CNTN4: variants seen among roughly 807,000 people sequenced by gnomAD.
CNTN4 encodes contactin-4.
CNTN4 carries 77 observed loss-of-function variants against 122.5 expected under a neutral mutation model. The ratio of observed to expected loss-of-function variants is 0.63; its 90% CI spans 0.52 to 0.76. The LOEUF (loss-of-function observed/expected upper bound fraction) is 0.76. Ranked by LOEUF, CNTN4 falls within the 30% of genes least tolerant of loss-of-function variation. The pLI, the probability that CNTN4 is intolerant of heterozygous loss-of-function variation, is 0.00. For missense variants in CNTN4, 1,256 were observed against 1,259.1 expected (o/e 1.00, Z 0.04); for synonymous variants, 512 against 447.0 (o/e 1.15, Z -1.83).
intron 4 of CNTN4, among the ~76,000 whole-genome samples, chr3:2,670,440 T>G (rs1376304310): frequency 6.6e-6 from 1 of 152,186 alleles, no homozygotes; most frequent in African/African-American, 2.4e-5. Flanking sequence ...GTTTTCCATT[T>G]GCTTGGTAGA....
chr3:2,301,151 T>C (rs1488176903), intron 2 of CNTN4, among the ~76,000 whole-genome samples: 1 of 152,224 alleles, frequency 6.6e-6, no homozygotes, highest in Non-Finnish European at 1.5e-5. Flanking sequence ...ACAATAATAA[T>C]GATACAATCT....
chr3:2,831,970 G>A (rs181596504), intron 7 of CNTN4, among the ~76,000 whole-genome samples: 2 of 152,288 alleles, frequency 1.3e-5, no homozygotes, highest in East Asian at 1.9e-4. Flanking sequence ...CTGATTTAAG[G>A]ATTATGTTTC....
intron 3 of CNTN4, among the ~76,000 whole-genome samples, chr3:2,371,401 C>G (rs908904455): frequency 1.3e-5 from 2 of 152,202 alleles, no homozygotes; most frequent in Non-Finnish European, 2.9e-5. Context: ...CAAACCCCAA[C>G]CCCAATGCTC....
chr3:2,378,420 A>G (rs903705820), intron 3 of CNTN4, among the ~76,000 whole-genome samples: 1 of 152,152 alleles, frequency 6.6e-6, no homozygotes, highest in Non-Finnish European at 1.5e-5. Flanking sequence ...AGTCAGTCCC[A>G]TTGCGTTTTT....
intron 3 of CNTN4, among the ~76,000 whole-genome samples, chr3:2,373,013 C>T (rs939308287): frequency 1.3e-5 from 2 of 152,170 alleles, no homozygotes; most frequent in African/African-American, 2.4e-5. Context: ...CACCACTGCA[C>T]CCCATCCTGG....
intron 3 of CNTN4, among the ~76,000 whole-genome samples, chr3:2,400,424 T>TATATAC (rs1553640906): frequency 1.2e-3 from 82 of 68,006 alleles, no homozygotes; most frequent in Non-Finnish European, 2.0e-3. Flanking sequence ...TATATATATA[T>TATATAC]ATACATATAT....
At chr3:2,224,355 T>C (rs542344004) in intron 2 of CNTN4, among the ~76,000 whole-genome samples, 3 of 152,302 alleles carry the variant, frequency 2.0e-5, no homozygotes, top group African/African-American at 4.8e-5. Flanking sequence ...GAGTTCCTAA[T>C]AGGCATCCCT....
chr3:2,630,728 GTGTAC>G (rs1357829140), intron 4 of CNTN4, among the ~76,000 whole-genome samples: 2 of 121,228 alleles, frequency 1.6e-5, no homozygotes, highest in African/African-American at 3.2e-5. Flanking sequence ...GTGTGTGTGT[GTGTAC>G]TATATGTTTA....
In CNTN4 at chr3:2,988,574, C is replaced by G. The variant is rs960352948; in HGVS notation, c.1486+102C>G. ...TCATTCATATTAATATGTACAGATA[C>G]CACTGTATTGCTAAATTAATTCATC... is the stretch of plus-strand genomic sequence containing the variant. On this transcript the variant is annotated intron_variant, in intron 14 of 24. Coordinates refer to ENST00000418658, the MANE Select transcript of CNTN4 (RefSeq NM_175607.3). The G allele has an allele frequency of 1.1e-5, 13 of 1,176,790 alleles. No individual in the cohort carries two copies. In the African/African-American group the frequency reaches 1.8e-4, roughly 16 times the overall value. The allele number at this position is 1,176,790 out of a possible 1,614,324, so 72.9% of individuals were successfully genotyped here.
chr3:2,772,442 A>G (rs2091145429), intron 6 of CNTN4, among the ~76,000 whole-genome samples: 1 of 151,710 alleles, frequency 6.6e-6, no homozygotes, highest in Admixed American at 6.6e-5. Context: ...AAGAAAAAAA[A>G]GATCATAGAA....
At chr3:2,838,647 T>C (rs2093284842) in intron 7 of CNTN4, among the ~76,000 whole-genome samples, 1 of 151,872 alleles carries the variant, frequency 6.6e-6, no homozygotes, top group Non-Finnish European at 1.5e-5. Flanking sequence ...AGCTGTTACC[T>C]CTTAATCACC....
intron 2 of CNTN4, among the ~76,000 whole-genome samples, chr3:2,179,492 T>C (rs911781411): frequency 6.6e-6 from 1 of 152,022 alleles, no homozygotes; most frequent in Non-Finnish European, 1.5e-5. Flanking sequence ...TTCCCTGTAG[T>C]AGCTATAACA....
At chr3:2,260,558 T>C (rs951729581) in intron 2 of CNTN4, among the ~76,000 whole-genome samples, 1 of 152,106 alleles carries the variant, frequency 6.6e-6, no homozygotes, top group Non-Finnish European at 1.5e-5. Context: ...GGACTAGAGT[T>C]GGCTGTCTCC....
At chr3:3,037,902 C>T (rs1038293617) in intron 18 of CNTN4, among the ~76,000 whole-genome samples, 25 of 152,140 alleles carry the variant, frequency 1.6e-4, no homozygotes, top group Middle Eastern at 3.4e-3. Flanking sequence ...TGAATGAGCA[C>T]GGGGAGAGAA....
intron 4 of CNTN4, among the ~76,000 whole-genome samples, chr3:2,669,585 T>C (rs893576521): frequency 6.6e-6 from 1 of 152,216 alleles, no homozygotes; most frequent in Non-Finnish European, 1.5e-5. Context: ...TTTGTGTCTC[T>C]ATCTCCTTCA....
chr3:2,534,819 A>ATGCTGCTGCTGCTGCTGCTGC (rs554324649), intron 3 of CNTN4, among the ~76,000 whole-genome samples: 14 of 88,464 alleles, frequency 1.6e-4, no homozygotes, highest in Non-Finnish European at 1.9e-4. Flanking sequence ...GGAACAATGT[A>ATGCTGCTGCTGCTGCTGCTGC]TGCTGCTGCT....
intron 3 of CNTN4, among the ~76,000 whole-genome samples, chr3:2,462,067 G>A (rs2049233275): frequency 1.3e-5 from 2 of 152,148 alleles, no homozygotes; most frequent in Admixed American, 1.3e-4. Context: ...CAGGTATGCT[G>A]CTGACCATCC....
intron 2 of CNTN4, among the ~76,000 whole-genome samples, chr3:2,166,325 T>A (rs2036193254): frequency 6.6e-6 from 1 of 152,014 alleles, no homozygotes; most frequent in African/African-American, 2.4e-5. Context: ...TTTTTGATAA[T>A]AATTATTATC....
At chr3:2,269,895 C>A (rs1418075599) in intron 2 of CNTN4, among the ~76,000 whole-genome samples, 2 of 149,096 alleles carry the variant, frequency 1.3e-5, no homozygotes, top group East Asian at 4.0e-4. Flanking sequence ...CCTATTATAG[C>A]CAGTTTGTTT....
Sources: gnomAD v4.1 joint callset for allele counts (sites outside exome capture counted in the v4.1 genomes callset) on GRCh38, gnomAD v4.1.1 for gene constraint, MANE v1.5 for transcripts, NCBI Gene and HGNC (gene_info 2026-07-23, HGNC 2026-07-21) for gene names.